The following DDX46 variants were observed in gnomAD, a reference collection of about 807,000 sequenced individuals.
DDX46 encodes the protein probable ATP-dependent RNA helicase DDX46.
Under a neutral mutation model 134.9 loss-of-function variants are expected in DDX46, and 30 were observed. That is an observed-to-expected ratio of 0.22 (90% CI 0.17 to 0.30). DDX46 has a LOEUF of 0.30. Ranked by LOEUF, DDX46 falls within the 10% of genes least tolerant of loss-of-function variation. DDX46 has a pLI of 1.00. For missense variants in DDX46, 622 were observed against 1,248.7 expected (o/e 0.50, Z 7.56); for synonymous variants, 415 against 404.1 (o/e 1.03, Z -0.32).
At chr5:134,775,131 T>G (rs1314833837) in intron 5 of DDX46, among the ~76,000 whole-genome samples, 1 of 151,692 alleles carries the variant, frequency 6.6e-6, no homozygotes, top group Non-Finnish European at 1.5e-5. Context: ...ATTTTGTCAT[T>G]TTTTGAAGAG....
intron 5 of DDX46, among the ~76,000 whole-genome samples, chr5:134,776,939 G>T (rs368675641): frequency 1.4e-5 from 2 of 147,814 alleles, no homozygotes; most frequent in Admixed American, 6.8e-5. Context: ...AAGGCCAGGC[G>T]TGGTGGCTCA....
intron 5 of DDX46, among the ~76,000 whole-genome samples, chr5:134,774,708 G>A (rs943156956): frequency 6.6e-6 from 1 of 152,040 alleles, no homozygotes; most frequent in Non-Finnish European, 1.5e-5. Context: ...TCTTTTTCAT[G>A]TTTTTGGAGA....
intron 1 of DDX46, among the ~76,000 whole-genome samples, chr5:134,761,392 A>C (rs1753381087): frequency 6.6e-6 from 1 of 152,200 alleles, no homozygotes; most frequent in South Asian, 2.1e-4. Context: ...TAATGTTTTG[A>C]GCCTAGTGAC....
intron 20 of DDX46, 108 bp from the exon 21 acceptor site, chr5:134,818,751 AG>A: frequency 1.2e-6 from 1 of 806,760 alleles, no homozygotes; most frequent in Non-Finnish European, 1.8e-6. Context: ...AGAGAGAGAG[AG>A]AGAGACCAAC....
At chr5:134,808,205 C>T (rs1179187154) in intron 16 of DDX46, among the ~76,000 whole-genome samples, 1 of 152,164 alleles carries the variant, frequency 6.6e-6, no homozygotes, top group Admixed American at 6.5e-5. Flanking sequence ...CATGCCTAAA[C>T]GTTTCTATAC....
At chr5:134,761,551 A>G (rs960635047) in intron 1 of DDX46, among the ~76,000 whole-genome samples, 2 of 152,170 alleles carry the variant, frequency 1.3e-5, no homozygotes, top group Admixed American at 1.3e-4. Flanking sequence ...GCCTTTGTAC[A>G]CTAATAGCTG....
Position 134,785,457 on chromosome 5 carries a change from C to T in DDX46, c.1343-8C>T, listed in dbSNP as rs200122295. ...GTGGTTAGGCTACTGATGTATTTAT[C>T]TTTCCAGCTGTCATCATGACTCCAA... is the stretch of plus-strand genomic sequence containing the variant. On this transcript the variant is annotated splice_region_variant and splice_polypyrimidine_tract_variant and intron_variant, in intron 10 of 22. Transcript: ENST00000452510. 4.3e-6 allele frequency: 7 copies of T among 1,610,814 alleles called. No homozygotes were observed. Among genetic ancestry groups the T allele is most frequent in the Non-Finnish European group, 5.1e-6 (6 of 1,178,808 alleles).
At chr5:134,782,848 T>C in intron 8 of DDX46, 97 bp from the exon 9 acceptor site, 1 of 1,478,062 alleles carries the variant, frequency 6.8e-7, no homozygotes, top group East Asian at 2.4e-5. Flanking sequence ...GGGTCTGGCA[T>C]AAGAGTTAAA....
At chr5:134,798,705 T>G (rs930066737) in intron 15 of DDX46, among the ~76,000 whole-genome samples, 17 of 152,352 alleles carry the variant, frequency 1.1e-4, no homozygotes, top group African/African-American at 4.1e-4. Flanking sequence ...TTGCCTATTC[T>G]GGGTACCTCC....
At position 134,763,186 on chromosome 5, in the gene DDX46, G is replaced by T. The variant is rs77621568; in HGVS notation, c.18-718G>T. On this transcript the variant is annotated intron_variant, in intron 1 of 22. Coordinates refer to ENST00000452510, the MANE Select transcript of DDX46 (RefSeq NM_001300860.2). Reference sequence around the variant, plus strand: ...GAGTTGAAGTTGCAGTGAACTGTGAGCACATCACTGCACTCTATCCTGGAT... The same window carrying T: ...GAGTTGAAGTTGCAGTGAACTGTGATCACATCACTGCACTCTATCCTGGAT... 8.5e-3 allele frequency among the ~76,000 whole-genome samples: 1,294 copies of T among 152,248 alleles called. 6 individuals are homozygous for T. Among genetic ancestry groups the T allele is most frequent in the Middle Eastern group, 0.041 (12 of 294 alleles).
chr5:134,785,156 T>A (rs1396050387), intron 10 of DDX46, among the ~76,000 whole-genome samples: 1 of 152,228 alleles, frequency 6.6e-6, no homozygotes, highest in Non-Finnish European at 1.5e-5. Flanking sequence ...GTCACTTGAT[T>A]TTCTTTGTTC....
chr5:134,795,963 A>G (rs1561865061), intron 14 of DDX46, 25 bp from the exon 15 acceptor site: 1 of 1,603,428 alleles, frequency 6.2e-7, no homozygotes, highest in Non-Finnish European at 8.5e-7. Context: ...CACTTCATTA[A>G]CTTGATACAA....
rs1427629438 is a variant in DDX46, at chr5:134,807,788, T to C, written c.1995T>C (p.Phe665=). Residue 665 remains phenylalanine, a synonymous_variant, in exon 16 of 23, where the codon TTT becomes TTC. Transcript: ENST00000452510. ...QYDRDSIIND[F]KNGTCKLLVA... Reference sequence around the variant, plus strand: ...ACAGAGATAGCATCATAAATGACTTTAAGAATGGGACCTGCAAACTTCTTG... The same window carrying C: ...ACAGAGATAGCATCATAAATGACTTCAAGAATGGGACCTGCAAACTTCTTG... The C allele has an allele frequency of 3.1e-6, 5 of 1,614,040 alleles. No individual in the cohort carries two copies. Among genetic ancestry groups the C allele is most frequent in the African/African-American group, 1.3e-5 (1 of 74,922 alleles).
chr5:134,789,943 A>G (rs1244960694), intron 12 of DDX46, among the ~76,000 whole-genome samples: 1 of 152,198 alleles, frequency 6.6e-6, no homozygotes, highest in Non-Finnish European at 1.5e-5. Flanking sequence ...ATGCTGTCAA[A>G]TAGCTTCTCA....
chr5:134,768,380 G>T (rs1359688570), intron 3 of DDX46, among the ~76,000 whole-genome samples: 2 of 151,602 alleles, frequency 1.3e-5, no homozygotes, highest in Non-Finnish European at 2.9e-5. Flanking sequence ...AAAGTGCTGG[G>T]ATTAAAGGCG....
intron 10 of DDX46, 161 bp downstream of exon 10, chr5:134,784,702 G>A (rs1045382077): frequency 2.4e-5 from 15 of 633,850 alleles, no homozygotes; most frequent in Non-Finnish European, 3.1e-5. Context: ...CTTACCAGCA[G>A]GTGGAGTGAG....
intron 21 of DDX46, among the ~76,000 whole-genome samples, chr5:134,821,130 C>T (rs1289674687): frequency 6.6e-5 from 10 of 151,526 alleles, no homozygotes; most frequent in South Asian, 2.1e-4. Context: ...CTCCGCCTCC[C>T]GGGTTCACGC....
At chr5:134,776,718 C>G (rs1161498731) in intron 5 of DDX46, among the ~76,000 whole-genome samples, 1 of 151,764 alleles carries the variant, frequency 6.6e-6, no homozygotes, top group African/African-American at 2.4e-5. Flanking sequence ...AGTTCGAGAC[C>G]AGCCTGACAA....
At chr5:134,766,026 C>G (rs1753556673) in intron 2 of DDX46, among the ~76,000 whole-genome samples, 1 of 152,108 alleles carries the variant, frequency 6.6e-6, no homozygotes, top group African/African-American at 2.4e-5. Context: ...GATGATGAAA[C>G]TGAGACCCAG....
Sources: allele counts gnomAD v4.1 joint callset (sites outside exome capture counted in the v4.1 genomes callset), GRCh38; gene constraint gnomAD v4.1.1; transcripts MANE v1.5; gene names NCBI Gene and HGNC (gene_info 2026-07-23, HGNC 2026-07-21).